Variants in INO80 observed in about 807,000 individuals in gnomAD.
The protein encoded by INO80 is INO80 complex ATPase subunit.
In INO80, 20 loss-of-function variants were observed where a neutral mutation model predicts 203.4. The observed-to-expected ratio is 0.10, with a 90% CI of 0.07 to 0.14. The LOEUF is 0.14. Among genes scored for constraint, INO80 ranks in the 10% least tolerant of loss-of-function variants. The pLI, the probability that INO80 is intolerant of heterozygous loss-of-function variation, is 1.00. For missense variants in INO80, 1,419 were observed against 1,914.4 expected (o/e 0.74, Z 4.83); for synonymous variants, 726 against 685.2 (o/e 1.06, Z -0.93).
chr15:41,008,363 T>C (rs927477632), intron 27 of INO80, among the ~76,000 whole-genome samples: 3 of 152,138 alleles, frequency 2.0e-5, no homozygotes, highest in Non-Finnish European at 2.9e-5. Context: ...TCAACTTATA[T>C]GTGCAAGCTT....
intron 34 of INO80, 159 bp from the exon 35 acceptor site, chr15:40,983,236 C>A: frequency 5.0e-6 from 3 of 601,764 alleles, no homozygotes; most frequent in Non-Finnish European, 8.8e-6. Flanking sequence ...GGCTAGACCA[C>A]TGAGTCACAC....
intron 16 of INO80, among the ~76,000 whole-genome samples, chr15:41,057,349 G>T (rs1378630402): frequency 6.6e-6 from 1 of 151,770 alleles, no homozygotes; most frequent in Non-Finnish European, 1.5e-5. Flanking sequence ...CCAGCTCTGA[G>T]ACTGAGATGG....
At chr15:40,983,952 C>T in intron 33 of INO80, 31 bp from the exon 34 acceptor site, 2 of 1,606,502 alleles carry the variant, frequency 1.2e-6, no homozygotes, top group South Asian at 2.2e-5. Context: ...ATCATTACGA[C>T]CCCCTGTGCT....
chr15:41,066,740 G>C (rs997278414), intron 14 of INO80, among the ~76,000 whole-genome samples: 1 of 148,234 alleles, frequency 6.7e-6, no homozygotes, highest in African/African-American at 2.5e-5. Context: ...TGATGTGGGA[G>C]AATGGCTTGA....
rs2046034639 is a variant in INO80 at position 41,116,207 on chromosome 15, C to T, written c.-278G>A. On this transcript the variant is annotated 5_prime_UTR_variant, in exon 1 of 36. Transcript: ENST00000648947. ...GCGGGCGCTGGGCCGGCGGCGGCGGCGGCCACTTTCACTCACTGAGAGGAG... is the reference window on the plus strand; with the variant it reads ...GCGGGCGCTGGGCCGGCGGCGGCGGTGGCCACTTTCACTCACTGAGAGGAG... The T allele has an allele frequency of 4.9e-6, 2 of 409,726 alleles. No homozygotes were observed. The highest frequency in any genetic ancestry group is 8.5e-6 in the Non-Finnish European group (2 of 235,782). 25.4% of individuals were successfully genotyped at this position (409,726 alleles called of 1,614,324 possible). A position where few individuals can be genotyped will look rare whatever the true frequency, so the allele number is the denominator to read the frequency against.
At chr15:41,068,407 C>T (rs1051797034) in intron 14 of INO80, among the ~76,000 whole-genome samples, 3 of 151,784 alleles carry the variant, frequency 2.0e-5, no homozygotes, top group African/African-American at 4.8e-5. Context: ...ACTAAAAATA[C>T]AAAATTAGCC....
At position 41,059,905 on chromosome 15, in the gene INO80, G is replaced by T; in HGVS notation, c.1804C>A (p.Pro602Thr). 3.7e-6 allele frequency: 6 copies of T among 1,611,098 alleles called. No homozygotes were observed. Among genetic ancestry groups the T allele is most frequent in the Non-Finnish European group, 5.1e-6 (6 of 1,177,928 alleles). ...KFKVLPYWGN[P>T]HDRKVIRRFW... is the part of the protein sequence containing the mutation. Reference sequence around the variant, plus strand: ...CTTCTGATGACTTTTCTATCATGAGGATTTCCCCAATATGGTAGCACCTAG... The same window carrying T: ...CTTCTGATGACTTTTCTATCATGAGTATTTCCCCAATATGGTAGCACCTAG... The change falls in exon 15 of 36, where the codon CCT becomes ACT. Residue 602 changes from proline (P) to threonine (T), a missense_variant. Transcript: ENST00000648947.
At chr15:41,001,294 A>T (rs946103538) in intron 28 of INO80, among the ~76,000 whole-genome samples, 5 of 152,188 alleles carry the variant, frequency 3.3e-5, no homozygotes, top group African/African-American at 1.2e-4. Flanking sequence ...GTCTGTAAAG[A>T]GGCCTATAAA....
At chr15:40,981,685 T>C (rs1893837787) in intron 35 of INO80, among the ~76,000 whole-genome samples, 1 of 152,198 alleles carries the variant, frequency 6.6e-6, no homozygotes, top group African/African-American at 2.4e-5. Context: ...GGCTCTCTCT[T>C]TCTCACCACA....
intron 16 of INO80, among the ~76,000 whole-genome samples, chr15:41,057,329 G>A (rs889561295): frequency 9.2e-5 from 14 of 151,940 alleles, no homozygotes; most frequent in East Asian, 3.9e-4. Context: ...GGTGGCACAC[G>A]CCTATAGTCC....
intron 7 of INO80, among the ~76,000 whole-genome samples, chr15:41,083,337 T>A (rs1045953155): frequency 3.3e-5 from 5 of 151,018 alleles, no homozygotes; most frequent in African/African-American, 1.2e-4. Flanking sequence ...ACTTATTAAC[T>A]GCTATGGAAA....
intron 24 of INO80, among the ~76,000 whole-genome samples, chr15:41,035,483 AC>A (rs1476488156): frequency 6.6e-6 from 1 of 151,328 alleles, no homozygotes; most frequent in Non-Finnish European, 1.5e-5. Flanking sequence ...CCATGACTAT[AC>A]CACTACGCTC....
rs2044730693 is a variant in INO80, at chr15:41,045,024, T to C, written c.2787A>G (p.Leu929=). Residue 929 remains leucine, a synonymous_variant, in exon 24 of 36, where the codon CTA becomes CTG. Coordinates refer to ENST00000648947, the MANE Select transcript of INO80 (RefSeq NM_017553.3). ...SLKASYRLHQ[L]RSWGAPEGES... ...CCCCTTCTGGCGCTCCCCAGGAGCG[T>C]AGCTGATGGAGCCTGTAGGAGGCTT... 3.1e-6 allele frequency: 5 copies of C among 1,613,180 alleles called. No homozygotes were observed. Among genetic ancestry groups the C allele is most frequent in the Admixed American group, 1.7e-5 (1 of 59,740 alleles).
chr15:41,105,437 T>C (rs1343137927), intron 1 of INO80, among the ~76,000 whole-genome samples: 1 of 152,154 alleles, frequency 6.6e-6, no homozygotes, highest in East Asian at 1.9e-4. Flanking sequence ...AAACCTTATA[T>C]GATGCAGATA....
intron 14 of INO80, among the ~76,000 whole-genome samples, chr15:41,061,464 A>AG (rs1464553642): frequency 6.7e-6 from 1 of 149,938 alleles, no homozygotes; most frequent in East Asian, 1.9e-4. Flanking sequence ...AAAAAAAAAA[A>AG]AAAAAAAAAT....
rs532368945 is a variant in INO80, at chr15:41,080,651, T to A, written c.927+369A>T. Among the ~76,000 whole-genome samples the A allele has an allele frequency of 4.6e-5, 7 of 151,380 alleles. No homozygotes were observed. In the East Asian group the frequency reaches 1.4e-3, roughly 29 times the overall value. On this transcript the variant is annotated intron_variant, in intron 8 of 35. Coordinates refer to ENST00000648947, the MANE Select transcript of INO80 (RefSeq NM_017553.3). ...CAGGCAGATCACCTGAGGTCAGGAG[T>A]TCAAGACCAGCCTGGCCAACATGGT...
At chr15:41,111,372 G>A (rs1345704878) in intron 1 of INO80, among the ~76,000 whole-genome samples, 1 of 152,172 alleles carries the variant, frequency 6.6e-6, no homozygotes, top group Non-Finnish European at 1.5e-5. Flanking sequence ...CTTGAACCCA[G>A]GAGGCAGAGG....
chr15:41,052,535 T>G (rs1263427779), intron 19 of INO80, among the ~76,000 whole-genome samples: 1 of 151,648 alleles, frequency 6.6e-6, no homozygotes, highest in Non-Finnish European at 1.5e-5. Flanking sequence ...TAGCCAGGTG[T>G]GGTGGTGTAC....
chr15:41,044,572 G>A (rs994637008), intron 24 of INO80, among the ~76,000 whole-genome samples: 18 of 151,974 alleles, frequency 1.2e-4, no homozygotes, highest in African/African-American at 3.6e-4. Context: ...GCTACTAAAC[G>A]GAAAGGAGCA....
Sources: gnomAD v4.1 joint callset for allele counts (sites outside exome capture counted in the v4.1 genomes callset) on GRCh38, gnomAD v4.1.1 for gene constraint, MANE v1.5 for transcripts, NCBI Gene and HGNC (gene_info 2026-07-23, HGNC 2026-07-21) for gene names.